The following REDIC1 variants were observed in gnomAD, a reference collection of about 807,000 sequenced individuals.
REDIC1 encodes the protein HEI10 Interacting Protein 1.
chr12:39,877,498 A>G, the REDIC1 span, among the ~76,000 whole-genome samples: 1 of 152,238 alleles, frequency 6.6e-6, no homozygotes, highest in African/African-American at 2.4e-5. Flanking sequence ...GGACACAGCC[A>G]AACCGTATCA....
the REDIC1 span, among the ~76,000 whole-genome samples, chr12:39,740,553 T>C: frequency 6.6e-6 from 1 of 152,188 alleles, no homozygotes. Flanking sequence ...GTATAAGTGA[T>C]ACATTAAGGT....
At chr12:39,835,345 T>C in the REDIC1 span, among the ~76,000 whole-genome samples, 1 of 152,090 alleles carries the variant, frequency 6.6e-6, no homozygotes, top group Non-Finnish European at 1.5e-5. Flanking sequence ...CTTAACAGTG[T>C]AAAAACCTAT....
the REDIC1 span, among the ~76,000 whole-genome samples, chr12:39,705,913 C>T: frequency 3.3e-5 from 5 of 152,072 alleles, no homozygotes; most frequent in South Asian, 8.3e-4. Context: ...GACAAGTATG[C>T]CCACTTTCAT....
At chr12:39,862,437 A>G in the REDIC1 span, among the ~76,000 whole-genome samples, 1 of 152,224 alleles carries the variant, frequency 6.6e-6, no homozygotes, top group African/African-American at 2.4e-5. Context: ...CAATGGACAT[A>G]GGCACTTAAC....
At chr12:39,813,423 A>C in the REDIC1 span, among the ~76,000 whole-genome samples, 1 of 152,126 alleles carries the variant, frequency 6.6e-6, no homozygotes, top group Non-Finnish European at 1.5e-5. Context: ...ATTTCATCTA[A>C]ATTGTCACTT....
At chr12:39,685,160 AC>A in the REDIC1 span, among the ~76,000 whole-genome samples, 1 of 152,302 alleles carries the variant, frequency 6.6e-6, no homozygotes, top group South Asian at 2.1e-4. Context: ...AATCTTGAGG[AC>A]ATTTTAAACA....
the REDIC1 span, among the ~76,000 whole-genome samples, chr12:39,862,654 T>A: frequency 2.0e-5 from 3 of 152,222 alleles, no homozygotes; most frequent in Non-Finnish European, 4.4e-5. Flanking sequence ...TAAGGTATTA[T>A]GTGATTCTTT....
the REDIC1 span, among the ~76,000 whole-genome samples, chr12:39,688,316 G>C: frequency 6.6e-6 from 1 of 152,178 alleles, no homozygotes; most frequent in East Asian, 1.9e-4. Flanking sequence ...GTAAACAGGA[G>C]GAAGATGTGA....
At chr12:39,819,806 G>A in the REDIC1 span, 1 of 152,910 alleles carries the variant, frequency 6.5e-6, no homozygotes, top group Non-Finnish European at 1.5e-5. Flanking sequence ...TCAATGCAGA[G>A]AAAAATAACA....
At chr12:39,668,847 G>A in the REDIC1 span, among the ~76,000 whole-genome samples, 10 of 151,824 alleles carry the variant, frequency 6.6e-5, no homozygotes, top group African/African-American at 1.9e-4. Flanking sequence ...TGATCGAATC[G>A]GCTACTGAGG....
chr12:39,692,408 T>C, the REDIC1 span, among the ~76,000 whole-genome samples: 1 of 151,928 alleles, frequency 6.6e-6, no homozygotes. Context: ...TTCAATTGTA[T>C]TTCATATCCT....
At chr12:39,721,537 A>G in the REDIC1 span, 15 of 264,570 alleles carry the variant, frequency 5.7e-5, no homozygotes, top group South Asian at 8.2e-4. Context: ...ATTATTCAGT[A>G]TATTACAATG....
At chr12:39,660,095 G>A in the REDIC1 span, among the ~76,000 whole-genome samples, 2 of 152,094 alleles carry the variant, frequency 1.3e-5, no homozygotes, top group Non-Finnish European at 2.9e-5. Context: ...TTCCCCCCTA[G>A]TGAGCTCCTG....
chr12:39,673,625 A>T, the REDIC1 span, among the ~76,000 whole-genome samples: 1 of 152,088 alleles, frequency 6.6e-6, no homozygotes, highest in Non-Finnish European at 1.5e-5. Context: ...ATTTCTACTG[A>T]TTATGCAGTT....
At chr12:39,663,255 C>T in the REDIC1 span, among the ~76,000 whole-genome samples, 1 of 151,876 alleles carries the variant, frequency 6.6e-6, no homozygotes, top group Non-Finnish European at 1.5e-5. Context: ...CTATTTAGAT[C>T]TAATAGTATT....
the REDIC1 span, among the ~76,000 whole-genome samples, chr12:39,716,271 A>G: frequency 6.6e-6 from 1 of 152,014 alleles, no homozygotes; most frequent in South Asian, 2.1e-4. Context: ...CAATTGTAAA[A>G]TAACAATATT....
chr12:39,627,957 G>C, the REDIC1 span, among the ~76,000 whole-genome samples: 1 of 152,158 alleles, frequency 6.6e-6, no homozygotes, highest in African/African-American at 2.4e-5. Flanking sequence ...GCTTTGACTG[G>C]TGGGTGATGG....
the REDIC1 span, chr12:39,721,441 T>C: frequency 3.7e-6 from 2 of 536,794 alleles, no homozygotes; most frequent in South Asian, 5.0e-5. Context: ...ATTTAATTTG[T>C]ATATAGCCAT....
At chr12:39,683,228 C>G in the REDIC1 span, 2 of 1,278,976 alleles carry the variant, frequency 1.6e-6, no homozygotes, top group South Asian at 3.0e-5. Context: ...ACACACACAT[C>G]TATATATTTG....
Sources: allele counts gnomAD v4.1 joint callset (sites outside exome capture counted in the v4.1 genomes callset), GRCh38; gene constraint gnomAD v4.1.1; transcripts MANE v1.5; gene names NCBI Gene and HGNC (gene_info 2026-07-23, HGNC 2026-07-21).